Variants in ZMIZ1 observed in about 807,000 individuals in gnomAD.
ZMIZ1 encodes zinc finger MIZ domain-containing protein 1.
A neutral mutation model predicts 113.9 loss-of-function variants in ZMIZ1; 17 were observed. The observed-to-expected ratio is 0.15, with a 90% CI of 0.10 to 0.22. The LOEUF (loss-of-function observed/expected upper bound fraction) is 0.22. ZMIZ1 is among the 10% of genes least tolerant of loss of function. The pLI, the probability that ZMIZ1 is intolerant of heterozygous loss-of-function variation, is 1.00. For synonymous variants in ZMIZ1, 607 were observed against 603.1 expected (o/e 1.01, Z -0.09); for missense variants, 1,059 against 1,477.8 (o/e 0.72, Z 4.65).
At chr10:79,184,851 C>T (rs887379067) in intron 4 of ZMIZ1, among the ~76,000 whole-genome samples, 1 of 152,192 alleles carries the variant, frequency 6.6e-6, no homozygotes, top group Non-Finnish European at 1.5e-5. Flanking sequence ...TGCTGCCCGT[C>T]CCCGAGTCTT....
chr10:79,191,160 C>T (rs1431503267), intron 4 of ZMIZ1, among the ~76,000 whole-genome samples: 2 of 152,154 alleles, frequency 1.3e-5, no homozygotes, highest in African/African-American at 2.4e-5. Context: ...CCAGCTGGTC[C>T]TTAAGGGCTG....
In ZMIZ1 at chr10:79,115,358, G is replaced by A. The variant is rs186571809; in HGVS notation, c.-336-3557G>A. ...CCCTCTCCCAGCCTTGCCACTTTTT[G>A]GCTTGTTTGGGCCTCTCTGCTGGGT... On this transcript the variant is annotated intron_variant, in intron 1 of 24. Transcript: ENST00000334512. Among the ~76,000 whole-genome samples, 81 of 152,226 alleles carry A rather than the reference G, an allele frequency of 5.3e-4. 1 individual carries two copies. Among genetic ancestry groups the A allele is most frequent in the Non-Finnish European group, 9.9e-4 (67 of 67,998 alleles).
intron 7 of ZMIZ1, among the ~76,000 whole-genome samples, chr10:79,256,147 C>G (rs1850888406): frequency 6.6e-6 from 1 of 152,220 alleles, no homozygotes; most frequent in African/African-American, 2.4e-5. Flanking sequence ...CCCTGCCCGT[C>G]TTGGCACAGC....
At chr10:79,286,276 G>C (rs192263572) in intron 8 of ZMIZ1, among the ~76,000 whole-genome samples, 2 of 152,358 alleles carry the variant, frequency 1.3e-5, no homozygotes, top group African/African-American at 2.4e-5. Context: ...GGGTCTGCTT[G>C]GTCCTTCATC....
At chr10:79,156,055 C>T (rs1017972971) in intron 3 of ZMIZ1, among the ~76,000 whole-genome samples, 1 of 152,216 alleles carries the variant, frequency 6.6e-6, no homozygotes, top group Non-Finnish European at 1.5e-5. Flanking sequence ...TGACCTTTGG[C>T]CCCGTCCCCA....
intron 2 of ZMIZ1, among the ~76,000 whole-genome samples, chr10:79,121,207 TTTATTA>T (rs1844274607): frequency 1.3e-5 from 2 of 152,176 alleles, no homozygotes. Flanking sequence ...GGATAGGTCA[TTTATTA>T]CCCACTTTGC....
intron 15 of ZMIZ1, among the ~76,000 whole-genome samples, 172 bp downstream of exon 15, chr10:79,298,752 A>G (rs964848613): frequency 3.3e-5 from 5 of 152,218 alleles, no homozygotes; most frequent in Admixed American, 3.3e-4. Context: ...GCTCACAGAC[A>G]GCCTTTCTTA....
chr10:79,313,988 G>A lies in ZMIZ1; in HGVS notation c.*1239G>A. The A allele has an allele frequency of 2.2e-6, 1 of 453,702 alleles. No homozygotes were observed. Among genetic ancestry groups the A allele is most frequent in the Non-Finnish European group, 4.4e-6 (1 of 225,848 alleles). The allele number at this position is 453,702 out of a possible 1,614,324, so 28.1% of individuals were successfully genotyped here. A position where few individuals can be genotyped will look rare whatever the true frequency, so the allele number is the denominator to read the frequency against. ...GCCCAGGCCATGGACATGTGCACCA[G>A]TATGTACCTGCAGGCATGGGGGGGA... On this transcript the variant is annotated 3_prime_UTR_variant, in exon 25 of 25. Transcript: ENST00000334512.
At chr10:79,287,174 C>T (rs574966262) in intron 8 of ZMIZ1, among the ~76,000 whole-genome samples, 36 of 152,208 alleles carry the variant, frequency 2.4e-4, no homozygotes, top group South Asian at 1.7e-3. Flanking sequence ...AGGTGGTGTG[C>T]CGGGTCCCCA....
At chr10:79,280,964 T>G (rs1852699643) in intron 8 of ZMIZ1, among the ~76,000 whole-genome samples, 1 of 152,188 alleles carries the variant, frequency 6.6e-6, no homozygotes, top group South Asian at 2.1e-4. Flanking sequence ...CGTCCATCCC[T>G]CCAGAATCAT....
At chr10:79,086,219 C>T (rs995128664) in intron 1 of ZMIZ1, among the ~76,000 whole-genome samples, 5 of 152,182 alleles carry the variant, frequency 3.3e-5, no homozygotes, top group African/African-American at 9.7e-5. Flanking sequence ...TGACAGAATG[C>T]GTCTCCCCGC....
chr10:79,286,314 C>G (rs751261622), intron 8 of ZMIZ1, among the ~76,000 whole-genome samples: 1 of 152,210 alleles, frequency 6.6e-6, no homozygotes, highest in Non-Finnish European at 1.5e-5. Flanking sequence ...GGCATTCCCC[C>G]GGTGGTGGTA....
chr10:79,296,566 C>T lies in ZMIZ1; in HGVS notation c.1326C>T (p.Ser442=). Residue 442 remains serine, a synonymous_variant, in exon 13 of 25, where the codon TCC becomes TCT. Transcript: ENST00000334512. The surrounding 1 kb of genome is among the most constrained non-coding windows in gnomAD (Gnocchi z 4.1). ...CCAACCCCCCGAGGCCACTCACCTCCCCCAACTACCCAGGACAGAGGATGC... is the reference window on the plus strand; with the variant it reads ...CCAACCCCCCGAGGCCACTCACCTCTCCCAACTACCCAGGACAGAGGATGC... ...PAPNPPRPLT[S]PNYPGQRMPS... 1.9e-6 allele frequency: 3 copies of T among 1,613,384 alleles called. No individual in the cohort carries two copies. Among genetic ancestry groups the T allele is most frequent in the Non-Finnish European group, 2.5e-6 (3 of 1,179,600 alleles).
At chr10:79,170,812 C>T (rs1473298592) in intron 4 of ZMIZ1, among the ~76,000 whole-genome samples, 1 of 152,110 alleles carries the variant, frequency 6.6e-6, no homozygotes, top group African/African-American at 2.4e-5. Flanking sequence ...CTGGGAGCTC[C>T]ACGTGGCTCA....
intron 4 of ZMIZ1, among the ~76,000 whole-genome samples, chr10:79,165,002 G>A (rs1392235160): frequency 6.6e-6 from 1 of 152,118 alleles, no homozygotes; most frequent in Non-Finnish European, 1.5e-5. Flanking sequence ...GGACATAGGG[G>A]CACTGAGCAG....
At chr10:79,091,053 G>T (rs1168446937) in intron 1 of ZMIZ1, among the ~76,000 whole-genome samples, 1 of 152,198 alleles carries the variant, frequency 6.6e-6, no homozygotes, top group East Asian at 1.9e-4. Flanking sequence ...CTTGAGCCCA[G>T]ATGAATTAAT....
intron 7 of ZMIZ1, among the ~76,000 whole-genome samples, chr10:79,268,380 T>C (rs1851731601): frequency 6.6e-6 from 1 of 152,228 alleles, no homozygotes; most frequent in Non-Finnish European, 1.5e-5. Flanking sequence ...GAACCCTGTT[T>C]CTGAAGCTGG....
At chr10:79,246,958 T>A (rs1479571706) in intron 7 of ZMIZ1, among the ~76,000 whole-genome samples, 1 of 152,158 alleles carries the variant, frequency 6.6e-6, no homozygotes, top group East Asian at 1.9e-4. Context: ...AGTCTCCCAG[T>A]GGGAACGTGT....
chr10:79,173,294 C>T (rs554696705), intron 4 of ZMIZ1, among the ~76,000 whole-genome samples: 1 of 152,280 alleles, frequency 6.6e-6, no homozygotes, highest in Admixed American at 6.5e-5. Context: ...TTTTTGCGAA[C>T]TTTTTTCTTT....
Sources: allele counts gnomAD v4.1 joint callset (sites outside exome capture counted in the v4.1 genomes callset), GRCh38; gene constraint gnomAD v4.1.1; non-coding constraint Gnocchi (gnomAD v3.1); transcripts MANE v1.5; gene names NCBI Gene and HGNC (gene_info 2026-07-23, HGNC 2026-07-21).